The following TPTE variants were observed in gnomAD, a reference collection of about 807,000 sequenced individuals.
The protein encoded by TPTE is transmembrane phosphatase with tensin homology, also known as putative tyrosine-protein phosphatase TPTE.
A neutral mutation model predicts 84.1 loss-of-function variants in TPTE; 59 were observed. The ratio of observed to expected loss-of-function variants is 0.70; its 90% CI spans 0.57 to 0.87. TPTE has a LOEUF of 0.87. Ranked by LOEUF, TPTE falls within the 40% of genes least tolerant of loss-of-function variation. The pLI is 0.00. For synonymous variants in TPTE, 130 were observed against 223.5 expected (o/e 0.58, Z 3.73); for missense variants, 382 against 659.6 (o/e 0.58, Z 4.61).
At chr21:10,549,091 T>G (rs1385630113) in intron 7 of TPTE, among the ~76,000 whole-genome samples, 2 of 152,312 alleles carry the variant, frequency 1.3e-5, no homozygotes, top group African/African-American at 4.8e-5. Context: ...CCTAGGCCAC[T>G]GAGTAACTTG....
chr21:10,522,135 C>G (rs1381778039), intron 1 of TPTE, among the ~76,000 whole-genome samples: 2 of 152,352 alleles, frequency 1.3e-5, no homozygotes, highest in South Asian at 4.1e-4. Context: ...GCCCGGCTCT[C>G]GTTGTCTTGT....
At chr21:10,544,488 G>C (rs1475082927) in intron 7 of TPTE, among the ~76,000 whole-genome samples, 1 of 152,312 alleles carries the variant, frequency 6.6e-6, no homozygotes, top group African/African-American at 2.4e-5. Flanking sequence ...GGGTTCAAGT[G>C]ATTTTCCTGC....
intron 20 of TPTE, among the ~76,000 whole-genome samples, chr21:10,597,412 CTTTTTTTTTTTTT>C (rs146272836): frequency 1.4e-5 from 2 of 139,928 alleles, no homozygotes; most frequent in African/African-American, 5.1e-5. Flanking sequence ...TTTCTTTTTT[CTTTTTTTTTTTTT>C]TTTTTTGGAG....
At chr21:10,597,577 G>C (rs1193862988) in intron 20 of TPTE, among the ~76,000 whole-genome samples, 3 of 152,304 alleles carry the variant, frequency 2.0e-5, no homozygotes, top group African/African-American at 4.8e-5. Flanking sequence ...ACCACGCCTG[G>C]CTAATTTTTG....
chr21:10,542,842 C>T (rs1485718283), intron 6 of TPTE, among the ~76,000 whole-genome samples: 4 of 152,414 alleles, frequency 2.6e-5, no homozygotes, highest in South Asian at 4.1e-4. Flanking sequence ...AGGAGCAGGT[C>T]GTAGGAGATT....
In TPTE at chr21:10,596,631, CTG is replaced by C. The variant is rs1250958917; in HGVS notation, c.1276+549_1276+550del. Among the ~76,000 whole-genome samples, 33 of 152,404 alleles carry C rather than the reference CTG, an allele frequency of 2.2e-4. No individual in the cohort carries two copies. The South Asian group carries it at 2.9e-3, about 13-fold the overall frequency. On this transcript the variant is annotated intron_variant, in intron 20 of 23. Coordinates refer to ENST00000618007, the MANE Select transcript of TPTE (RefSeq NM_199261.4). ...GGGGAGGTGGGAAAGCAGGATGTGT[CTG>C]TGTGGAAGGGATGGGGCCTCACCAC...
chr21:10,530,118 A>AGCC (rs1183624026), intron 3 of TPTE, among the ~76,000 whole-genome samples: 1 of 152,426 alleles, frequency 6.6e-6, no homozygotes, highest in East Asian at 1.9e-4. Context: ...CCTAAAAGCT[A>AGCC]GCCCCTGTGT....
intron 3 of TPTE, among the ~76,000 whole-genome samples, chr21:10,532,570 T>C (rs1227564908): frequency 3.3e-5 from 5 of 152,304 alleles, no homozygotes; most frequent in African/African-American, 1.2e-4. Flanking sequence ...TTTTCCAACC[T>C]CTCTACTTAA....
intron 13 of TPTE, among the ~76,000 whole-genome samples, 161 bp from the exon 14 acceptor site, chr21:10,570,324 T>A (rs1251191511): frequency 6.6e-6 from 1 of 152,298 alleles, no homozygotes; most frequent in Non-Finnish European, 1.5e-5. Context: ...TAATTTAATA[T>A]GTTATTTGAT....
intron 10 of TPTE, among the ~76,000 whole-genome samples, chr21:10,562,902 A>G (rs2074837636): frequency 6.6e-6 from 1 of 152,308 alleles, no homozygotes; most frequent in African/African-American, 2.4e-5. Flanking sequence ...CAAGTACAAG[A>G]AAGTTATAAA....
intron 10 of TPTE, among the ~76,000 whole-genome samples, chr21:10,563,181 G>T (rs1348612886): frequency 3.3e-5 from 5 of 152,306 alleles, no homozygotes; most frequent in Non-Finnish European, 7.3e-5. Context: ...AAAGTGAAGG[G>T]GAAATAAAGA....
At chr21:10,602,858 G>GC (rs1186291064) in intron 22 of TPTE, 64 of 517,940 alleles carry the variant, frequency 1.2e-4, no homozygotes, top group African/African-American at 1.1e-3. Flanking sequence ...GAGAGTGGAA[G>GC]CCTTTATTGG....
chr21:10,536,617 G>A (rs2074271431), intron 3 of TPTE, among the ~76,000 whole-genome samples: 4 of 151,144 alleles, frequency 2.6e-5, no homozygotes, highest in Non-Finnish European at 5.9e-5. Flanking sequence ...AGAATCGACA[G>A]AGAGAAAGAT....
intron 7 of TPTE, among the ~76,000 whole-genome samples, chr21:10,543,672 G>A (rs2074413175): frequency 6.6e-6 from 1 of 152,298 alleles, no homozygotes. Flanking sequence ...TTTTTTGATG[G>A]AGTTGTATAA....
chr21:10,553,182 A>C (rs942851422), intron 8 of TPTE, among the ~76,000 whole-genome samples: 1 of 152,304 alleles, frequency 6.6e-6, no homozygotes, highest in Non-Finnish European at 1.5e-5. Context: ...ATTTGTTTCT[A>C]ATCTCACTAG....
At chr21:10,598,906 T>A (rs1261318879) in intron 21 of TPTE, among the ~76,000 whole-genome samples, 9 of 152,294 alleles carry the variant, frequency 5.9e-5, no homozygotes. Context: ...CTGAGGGCAT[T>A]CACCCAGGCC....
At chr21:10,599,534 T>A (rs1311303141) in intron 21 of TPTE, among the ~76,000 whole-genome samples, 1 of 152,312 alleles carries the variant, frequency 6.6e-6, no homozygotes, top group Non-Finnish European at 1.5e-5. Context: ...GGAATTAAAT[T>A]AGATAATATA....
At chr21:10,589,774 G>T (rs1216894670) in intron 17 of TPTE, among the ~76,000 whole-genome samples, 1 of 152,312 alleles carries the variant, frequency 6.6e-6, no homozygotes, top group African/African-American at 2.4e-5. Flanking sequence ...CCTGAGGGCT[G>T]CTTGCCTGCA....
At chr21:10,538,861 TCAAACACATCCA>T in intron 4 of TPTE, 127 bp downstream of exon 4, 1 of 1,595,536 alleles carries the variant, frequency 6.3e-7, no homozygotes, top group Non-Finnish European at 8.6e-7. Context: ...CACACTTCTC[TCAAACACATCCA>T]CTAACAAATC....
Sources: gnomAD v4.1 joint callset for allele counts (sites outside exome capture counted in the v4.1 genomes callset) on GRCh38, gnomAD v4.1.1 for gene constraint, MANE v1.5 for transcripts, NCBI Gene and HGNC (gene_info 2026-07-23, HGNC 2026-07-21) for gene names.